GGA1: variants seen among roughly 807,000 people sequenced by gnomAD.
GGA1 encodes the protein ADP-ribosylation factor-binding protein GGA1.
In GGA1, 18 loss-of-function variants were observed where a neutral mutation model predicts 76.9. The ratio of observed to expected loss-of-function variants is 0.23; its 90% CI spans 0.16 to 0.35. The LOEUF (loss-of-function observed/expected upper bound fraction) is 0.35, where lower values mean the gene tolerates loss of function less well. GGA1 is among the 10% of genes least tolerant of loss of function. The pLI is 1.00. For missense variants in GGA1, 755 were observed against 859.0 expected (o/e 0.88, Z 1.51); for synonymous variants, 342 against 354.7 (o/e 0.96, Z 0.40).
At chr22:37,629,581 C>A in intron 12 of GGA1, 55 bp downstream of exon 12, 1 of 1,131,118 alleles carries the variant, frequency 8.8e-7, no homozygotes, top group Non-Finnish European at 1.3e-6. Flanking sequence ...GTCAGGGCAG[C>A]TGGGACAAGT....
rs1391555076 is a variant in GGA1, at chr22:37,609,203, C to T, written c.43+300C>T. ...GGACGGAGAGAGCAGCCTCCAACCC[C>T]CAAGGCTCACATTGCTTCACGGAGT... is the stretch of plus-strand genomic sequence containing the variant. On this transcript the variant is annotated intron_variant, in intron 1 of 16. Transcript: ENST00000343632. 2.3e-6 allele frequency: 3 copies of T among 1,318,248 alleles called. No individual in the cohort carries two copies. In the South Asian group the frequency reaches 4.5e-5, roughly 20 times the overall value. The allele number at this position is 1,318,248 out of a possible 1,614,324, so 81.7% of individuals were successfully genotyped here. A position where few individuals can be genotyped will look rare whatever the true frequency, so the allele number is the denominator to read the frequency against.
At chr22:37,609,235 C>T (rs1239091185) in intron 1 of GGA1, 10 of 1,201,410 alleles carry the variant, frequency 8.3e-6, no homozygotes, top group South Asian at 5.3e-5. Flanking sequence ...GAGTAGCGGC[C>T]CGGGGAAGGA....
At chr22:37,629,105 C>T (rs1416534819) in intron 11 of GGA1, among the ~76,000 whole-genome samples, 1 of 152,248 alleles carries the variant, frequency 6.6e-6, no homozygotes, top group East Asian at 1.9e-4. Context: ...TCTCCCCTTG[C>T]CTGGATGCGT....
intron 1 of GGA1, chr22:37,613,829 C>G (rs934747878): frequency 4.9e-6 from 1 of 203,814 alleles, no homozygotes; most frequent in Non-Finnish European, 1.0e-5. Flanking sequence ...TCCCTTACTT[C>G]TGGATCTCCT....
rs1327291694 is a variant in GGA1 at position 37,625,215 on chromosome 22, G to A, written c.940+139G>A. On this transcript the variant is annotated intron_variant, in intron 10 of 16. Transcript: ENST00000343632. This position sits in a 1 kb window ranked among gnomAD's most constrained non-coding sequence, Gnocchi z 4.1. ...GCCCCTTAAGATGGGGAAGGCCCCA[G>A]GGAGGGAGCTGGGGGTGAAGTCTGT... 4 of 743,008 alleles carry A rather than the reference G, an allele frequency of 5.4e-6. No individual in the cohort carries two copies. Among genetic ancestry groups the A allele is most frequent in the Middle Eastern group, 3.9e-4 (1 of 2,582 alleles). The allele number at this position is 743,008 out of a possible 1,614,324, so 46.0% of individuals were successfully genotyped here. A position where few individuals can be genotyped will look rare whatever the true frequency, so the allele number is the denominator to read the frequency against.
chr22:37,621,265 G>A (rs898969108), intron 6 of GGA1, among the ~76,000 whole-genome samples: 1 of 152,186 alleles, frequency 6.6e-6, no homozygotes, highest in Non-Finnish European at 1.5e-5. Flanking sequence ...AAAATAAAGA[G>A]GTTAAAGTAA....
chr22:37,632,124 C>G lies in GGA1; in HGVS notation c.1657C>G (p.Gln553Glu), dbSNP rs1479042892. 6.2e-7 allele frequency: 1 copy of G among 1,613,720 alleles called. No individual in the cohort carries two copies. Among genetic ancestry groups the G allele is most frequent in the Non-Finnish European group, 8.5e-7 (1 of 1,179,900 alleles). Residue 553 changes from glutamine (Q) to glutamate (E), a missense_variant, in exon 15 of 17, where the codon CAG becomes GAG. By Grantham distance (29) the Gln-to-Glu change is conservative. Coordinates refer to ENST00000343632, the MANE Select transcript of GGA1 (RefSeq NM_013365.5). This position sits in a 1 kb window ranked among gnomAD's most constrained non-coding sequence, Gnocchi z 5.1. ...GGTTTCCATGCTGAGCACCGCCCCC[C>G]AGCCCATCCGCAACATCGTGTTCCA... ...VVVSMLSTAP[Q>E]PIRNIVFQSA...
rs779425656 is a variant in GGA1 at position 37,632,658 on chromosome 22, G to A, written c.1867G>A (p.Glu623Lys). 2.1e-5 allele frequency: 34 copies of A among 1,613,284 alleles called. No homozygotes were observed. The highest frequency in any genetic ancestry group is 4.5e-5 in the East Asian group (2 of 44,866). Residue 623 changes from glutamate to lysine, a missense_variant, in exon 17 of 17, where the codon GAG becomes AAG. Coordinates refer to ENST00000343632, the MANE Select transcript of GGA1 (RefSeq NM_013365.5). The surrounding 1 kb of genome is among the most constrained non-coding windows in gnomAD (Gnocchi z 5.1). ...TFTMGDQTYN[E>K]MGDVDQFPPP... is the part of the protein sequence containing the mutation. ...CACCATGGGTGACCAGACCTACAACGAGATGGGGGATGTGGACCAGTTCCC... is the reference window on the plus strand; with the variant it reads ...CACCATGGGTGACCAGACCTACAACAAGATGGGGGATGTGGACCAGTTCCC...
chr22:37,611,740 A>C (rs570315580), intron 1 of GGA1, among the ~76,000 whole-genome samples: 13 of 152,340 alleles, frequency 8.5e-5, no homozygotes, highest in Admixed American at 2.6e-4. Flanking sequence ...CTCGGTGCTC[A>C]GGCGTGGGCA....
At chr22:37,612,916 G>A in intron 1 of GGA1, 1 of 985,246 alleles carries the variant, frequency 1.0e-6, no homozygotes, top group Non-Finnish European at 1.2e-6. Flanking sequence ...ACCACTTCAT[G>A]TAGACCTGTT....
At chr22:37,612,341 G>A (rs552475884) in intron 1 of GGA1, among the ~76,000 whole-genome samples, 68 of 148,430 alleles carry the variant, frequency 4.6e-4, no homozygotes, top group Admixed American at 1.1e-3. Flanking sequence ...GCGTGGTGGC[G>A]GGCACCTGTA....
chr22:37,623,591 T>G lies in GGA1; in HGVS notation c.790T>G (p.Phe264Val). Residue 264 changes from phenylalanine to valine, a missense_variant, in exon 9 of 17, where the codon TTC (phenylalanine) becomes GTC (valine). Phe to Val is a conservative substitution (Grantham distance 50, BLOSUM62 -1). Transcript: ENST00000343632. The surrounding 1 kb of genome is among the most constrained non-coding windows in gnomAD (Gnocchi z 4.6). The stretch of plus-strand genomic sequence containing the variant: ...CTGTGAGCGGATGCGGCCCACGCTC[T>G]TCCGACTGGCGAGTGACACAGAGGA... ...QRCERMRPTL[F>V]RLASDTEDND... The G allele has an allele frequency of 6.2e-7, 1 of 1,605,158 alleles. No individual in the cohort carries two copies.
intron 1 of GGA1, among the ~76,000 whole-genome samples, chr22:37,613,695 G>A (rs1454126907): frequency 6.6e-6 from 1 of 152,076 alleles, no homozygotes; most frequent in Admixed American, 6.6e-5. Flanking sequence ...CACCGTGCCT[G>A]GCCCCTCCTC....
rs1930694462 is a variant in GGA1 at position 37,625,739 on chromosome 22, GGACTCT to G, written c.941-55_941-50del. ...GGTGTTGCTCCCCCGCAACCCCTGT[GGACTCT>G]GAGAGACACGTGTACACCCAGGACT... On this transcript the variant is annotated intron_variant, in intron 10 of 16. Transcript: ENST00000343632. This position sits in a 1 kb window ranked among gnomAD's most constrained non-coding sequence, Gnocchi z 4.1. 7.3e-7 allele frequency: 1 copy of G among 1,371,450 alleles called. No individual in the cohort carries two copies. The highest frequency in any genetic ancestry group is 1.6e-5 in the South Asian group (1 of 61,466). The allele number at this position is 1,371,450 out of a possible 1,614,324, so 85.0% of individuals were successfully genotyped here. A position where few individuals can be genotyped will look rare whatever the true frequency, so the allele number is the denominator to read the frequency against.
intron 1 of GGA1, chr22:37,609,155 G>A: frequency 1.4e-6 from 2 of 1,452,492 alleles, no homozygotes; most frequent in South Asian, 2.5e-5. Flanking sequence ...GGGACGGCGA[G>A]TGAGCTGCGC....
chr22:37,616,923 C>T lies in GGA1; in HGVS notation c.130C>T (p.Pro44Ser). ...CEQLNEDFEG[P>S]PLATRLLAHK... ...CTCTGTGTTGTTCCTCCCACCCAGG[C>T]CTCCACTCGCCACCCGGCTGCTGGC... The change falls in exon 3 of 17, where the codon CCT (proline) becomes TCT (serine). Residue 44 changes from proline (P) to serine (S), a missense_variant and splice_region_variant. Transcript: ENST00000343632. 2 of 1,604,604 alleles carry T rather than the reference C, an allele frequency of 1.2e-6. No homozygotes were observed. Among genetic ancestry groups the T allele is most frequent in the Non-Finnish European group, 1.7e-6 (2 of 1,175,872 alleles).
intron 1 of GGA1, chr22:37,612,969 C>G (rs1192815880): frequency 1.0e-6 from 1 of 985,028 alleles, no homozygotes; most frequent in Non-Finnish European, 1.2e-6. Flanking sequence ...ATTCAGTCTT[C>G]CCCAGAACCT....
chr22:37,631,201 T>A, intron 14 of GGA1, 102 bp downstream of exon 14: 2 of 964,816 alleles, frequency 2.1e-6, no homozygotes. Context: ...CTCCCCTGGC[T>A]CTGCCACTGG....
Position 37,631,039 on chromosome 22 carries a change from C to T in GGA1, c.1468C>T (p.Pro490Ser). ...SPEPPRPPQQ[P>S]VPTELSLASI... ...AGAGCCCCCCAGGCCTCCGCAGCAG[C>T]CCGTACCAACCGAGCTCTCACTGGC... is the stretch of plus-strand genomic sequence containing the variant. Residue 490 changes from proline to serine, a missense_variant, in exon 14 of 17, where the codon CCC becomes TCC. By Grantham distance (74) the Pro-to-Ser change is moderately conservative. Transcript: ENST00000343632. 1 of 1,611,694 alleles carries T rather than the reference C, an allele frequency of 6.2e-7. No individual in the cohort carries two copies. Among genetic ancestry groups the T allele is most frequent in the Non-Finnish European group, 8.5e-7 (1 of 1,179,276 alleles).
Sources: allele counts gnomAD v4.1 joint callset (sites outside exome capture counted in the v4.1 genomes callset), GRCh38; gene constraint gnomAD v4.1.1; non-coding constraint Gnocchi (gnomAD v3.1); transcripts MANE v1.5; gene names NCBI Gene and HGNC (gene_info 2026-07-23, HGNC 2026-07-21).